MMP26: variants seen among roughly 807,000 people sequenced by gnomAD.
MMP26 encodes matrix metallopeptidase 26.
In MMP26, 33 loss-of-function variants were observed where a neutral mutation model predicts 31.0. That is an observed-to-expected ratio of 1.06 (90% CI 0.81 to 1.42). The LOEUF (loss-of-function observed/expected upper bound fraction) is 1.42. Among genes scored for constraint, MMP26 ranks in the 40% most tolerant of loss-of-function variants. MMP26 has a pLI of 0.00. For synonymous variants in MMP26, 122 were observed against 114.9 expected (o/e 1.06, Z -0.40); for missense variants, 347 against 316.1 (o/e 1.10, Z -0.74).
At chr11:4,725,880 G>A (rs886693732) in intron 1 of MMP26, among the ~76,000 whole-genome samples, 1 of 152,184 alleles carries the variant, frequency 6.6e-6, no homozygotes, top group Non-Finnish European at 1.5e-5. Context: ...GACTACCTGA[G>A]TGTGTCCTGT....
intron 2 of MMP26, among the ~76,000 whole-genome samples, chr11:4,918,871 C>T (rs997537273): frequency 6.6e-6 from 1 of 152,206 alleles, no homozygotes; most frequent in Non-Finnish European, 1.5e-5. Flanking sequence ...CAGACTACTT[C>T]CTATCCATCT....
At chr11:4,796,879 A>G (rs1849114687) in intron 2 of MMP26, among the ~76,000 whole-genome samples, 1 of 152,004 alleles carries the variant, frequency 6.6e-6, no homozygotes, top group South Asian at 2.1e-4. Flanking sequence ...CTTCTTCTGT[A>G]ATTGCTCCTG....
At chr11:4,989,989 C>T in intron 4 of MMP26, 121 bp downstream of exon 4, 2 of 701,414 alleles carry the variant, frequency 2.9e-6, no homozygotes, top group Middle Eastern at 4.0e-4. Context: ...CCGCTCAAAG[C>T]CCAAAATCTC....
chr11:4,907,245 A>G (rs1177488302), intron 2 of MMP26: 8 of 610,660 alleles, frequency 1.3e-5, no homozygotes, highest in South Asian at 4.3e-5. Context: ...GCAGCCAAAT[A>G]TGCCTTTGAG....
chr11:4,729,078 T>A (rs1301066325), intron 1 of MMP26, among the ~76,000 whole-genome samples: 1 of 151,736 alleles, frequency 6.6e-6, no homozygotes, highest in East Asian at 1.9e-4. Flanking sequence ...TTCCAATTTT[T>A]TGCCATGACT....
At chr11:4,724,120 G>T (rs568582782) in intron 1 of MMP26, 9 of 626,732 alleles carry the variant, frequency 1.4e-5, no homozygotes, top group South Asian at 3.6e-5. Flanking sequence ...CTGAAGTCCT[G>T]GGGGGCTAGA....
At chr11:4,718,163 G>A (rs916521651) in intron 1 of MMP26, among the ~76,000 whole-genome samples, 1 of 152,138 alleles carries the variant, frequency 6.6e-6, no homozygotes, top group African/African-American at 2.4e-5. Flanking sequence ...AAAGAAAATA[G>A]CAGGAGATAA....
intron 2 of MMP26, among the ~76,000 whole-genome samples, chr11:4,929,325 A>G (rs1589942421): frequency 1.3e-5 from 2 of 152,222 alleles, no homozygotes; most frequent in Middle Eastern, 6.8e-3. Context: ...TTGTGCTTCA[A>G]ACTTACTCTA....
At chr11:4,916,895 G>A (rs1254210027) in intron 2 of MMP26, among the ~76,000 whole-genome samples, 1 of 152,168 alleles carries the variant, frequency 6.6e-6, no homozygotes. Flanking sequence ...ATGTCCAGGA[G>A]AGCCCACTGA....
At chr11:4,946,441 G>C (rs147755934) in intron 2 of MMP26, 2 of 1,609,888 alleles carry the variant, frequency 1.2e-6, no homozygotes, top group South Asian at 1.1e-5. Flanking sequence ...TGAGGATCAG[G>C]GTGTAAGACA....
intron 2 of MMP26, among the ~76,000 whole-genome samples, chr11:4,819,983 G>A (rs1849473550): frequency 6.6e-6 from 1 of 152,200 alleles, no homozygotes; most frequent in African/African-American, 2.4e-5. Flanking sequence ...TCGATATTAA[G>A]ACTACTTTCC....
At chr11:4,959,828 A>G (rs1564815466) in intron 2 of MMP26, among the ~76,000 whole-genome samples, 1 of 152,152 alleles carries the variant, frequency 6.6e-6, no homozygotes, top group Non-Finnish European at 1.5e-5. Flanking sequence ...CTCTCACAAT[A>G]CTTTTCTCCA....
chr11:4,873,173 G>A (rs1469297588), intron 2 of MMP26, among the ~76,000 whole-genome samples: 1 of 151,940 alleles, frequency 6.6e-6, no homozygotes, highest in Non-Finnish European at 1.5e-5. Context: ...AGGAATCAGG[G>A]GCCTCGTTTA....
At chr11:4,882,577 T>C (rs140182455) in intron 2 of MMP26, 38 of 1,613,874 alleles carry the variant, frequency 2.4e-5, no homozygotes, top group Non-Finnish European at 2.8e-5. Context: ...TCCTCCGTAC[T>C]GTTCTGGGCA....
intron 2 of MMP26, among the ~76,000 whole-genome samples, chr11:4,930,962 A>G: frequency 6.6e-6 from 1 of 152,154 alleles, no homozygotes; most frequent in South Asian, 2.1e-4. Context: ...GAAGTATTTT[A>G]AGAGTCTAAG....
At chr11:4,706,472 G>A (rs1330468135) in intron 1 of MMP26, among the ~76,000 whole-genome samples, 1 of 151,196 alleles carries the variant, frequency 6.6e-6, no homozygotes, top group East Asian at 1.9e-4. Context: ...TCTTTACTTG[G>A]CGAGCTGAGG....
At chr11:4,776,960 A>G (rs1282431978) in intron 2 of MMP26, among the ~76,000 whole-genome samples, 1 of 152,184 alleles carries the variant, frequency 6.6e-6, no homozygotes, top group African/African-American at 2.4e-5. Flanking sequence ...AACTTAAAAA[A>G]TATGTATACT....
At chr11:4,917,735 TA>T (rs1851119734) in intron 2 of MMP26, among the ~76,000 whole-genome samples, 1 of 152,148 alleles carries the variant, frequency 6.6e-6, no homozygotes, top group Non-Finnish European at 1.5e-5. Context: ...GTTAACAATA[TA>T]CTTTTTATGT....
At chr11:4,735,610 GT>G (rs1848229532) in intron 1 of MMP26, among the ~76,000 whole-genome samples, 1 of 152,020 alleles carries the variant, frequency 6.6e-6, no homozygotes, top group Non-Finnish European at 1.5e-5. Context: ...TTGAATGGTT[GT>G]TTTTTAATCT....
Sources: gnomAD v4.1 joint callset for allele counts (sites outside exome capture counted in the v4.1 genomes callset) on GRCh38, gnomAD v4.1.1 for gene constraint, MANE v1.5 for transcripts, NCBI Gene and HGNC (gene_info 2026-07-23, HGNC 2026-07-21) for gene names.